Variants in GPR55 observed in about 807,000 individuals in gnomAD.
The protein encoded by GPR55 is G-protein coupled receptor 55.
In GPR55, 6 loss-of-function variants were observed where a neutral mutation model predicts 7.9. That is an observed-to-expected ratio of 0.76 (90% CI 0.41 to 1.49). The LOEUF is 1.49. Among genes scored for constraint, GPR55 ranks in the 40% most tolerant of loss-of-function variants. GPR55 has a pLI of 0.01. For missense variants in GPR55, 376 were observed against 406.0 expected, an observed-to-expected ratio of 0.93 and a Z score of 0.63; for synonymous variants, 183 against 166.8, an observed-to-expected ratio of 1.10 and a Z score of -0.75.
intron 1 of GPR55, among the ~76,000 whole-genome samples, chr2:230,946,391 A>G (rs947804739): frequency 1.3e-5 from 2 of 152,248 alleles, no homozygotes; most frequent in African/African-American, 4.8e-5. Context: ...CACAAAAAAG[A>G]TAACTGTGTG....
chr2:230,951,695 T>C (rs929848078), intron 1 of GPR55, among the ~76,000 whole-genome samples: 11 of 152,080 alleles, frequency 7.2e-5, no homozygotes, highest in African/African-American at 2.4e-4. Flanking sequence ...TAAGCAGGGA[T>C]TTTTTTCCCT....
At chr2:230,913,055 G>A (rs6715560) in intron 1 of GPR55, among the ~76,000 whole-genome samples, 41,091 of 151,952 alleles carry the variant, frequency 0.27, 10,316 homozygotes, top group African/African-American at 0.67. Context: ...TTGCTTTTTC[G>A]CTCATCAATG....
At chr2:230,950,370 A>G (rs539017495) in intron 1 of GPR55, among the ~76,000 whole-genome samples, 32 of 152,270 alleles carry the variant, frequency 2.1e-4, no homozygotes, top group African/African-American at 7.5e-4. Flanking sequence ...GAGCAATTAG[A>G]GCAATTGGCT....
In GPR55 at chr2:230,941,160, G is replaced by T. The variant is rs1691221702; in HGVS notation, c.-135+19615C>A. 2.0e-5 allele frequency among the ~76,000 whole-genome samples: 3 copies of T among 151,940 alleles called. No homozygotes were observed. The South Asian group carries it at 6.2e-4, about 32-fold the overall frequency. On this transcript the variant is annotated intron_variant, in intron 1 of 1. Coordinates refer to the GPR55 transcript ENST00000392039. ...GAAGGGGTTGGAGGGCCTGATGCCT[G>T]GGTGCCTCCAGGCTCAGAGAGAACC...
At chr2:230,951,755 GGT>G (rs369482532) in intron 1 of GPR55, among the ~76,000 whole-genome samples, 60,655 of 148,108 alleles carry the variant, frequency 0.41, 13,210 homozygotes, top group East Asian at 0.65. Flanking sequence ...TTGTTATTGG[GGT>G]TTTTTTTTTT....
At chr2:230,915,308 T>C (rs1690684352) in intron 1 of GPR55, among the ~76,000 whole-genome samples, 1 of 152,186 alleles carries the variant, frequency 6.6e-6, no homozygotes, top group Non-Finnish European at 1.5e-5. Context: ...GGGATCTGTG[T>C]CACAGGCAGC....
intron 1 of GPR55, among the ~76,000 whole-genome samples, chr2:230,946,249 G>T (rs1691312322): frequency 6.6e-6 from 1 of 152,170 alleles, no homozygotes; most frequent in South Asian, 2.1e-4. Context: ...TTGGTCAAAG[G>T]TGTTTCAGTT....
intron 1 of GPR55, among the ~76,000 whole-genome samples, chr2:230,950,476 A>C (rs992152457): frequency 6.6e-6 from 1 of 151,568 alleles, no homozygotes; most frequent in Non-Finnish European, 1.5e-5. Context: ...TCTTTCCCGC[A>C]CTCCAGCCTC....
intron 1 of GPR55, among the ~76,000 whole-genome samples, chr2:230,952,695 A>G (rs1204891216): frequency 6.6e-6 from 1 of 152,202 alleles, no homozygotes; most frequent in Non-Finnish European, 1.5e-5. Flanking sequence ...ACAAGCTTCC[A>G]TCGGGCATCT....
chr2:230,919,534 T>C (rs961332065), intron 1 of GPR55, among the ~76,000 whole-genome samples: 2 of 152,186 alleles, frequency 1.3e-5, no homozygotes, highest in African/African-American at 4.8e-5. Context: ...TAACAAAGAA[T>C]TTGGCAAGGG....
At chr2:230,914,191 G>A (rs942747586) in intron 1 of GPR55, among the ~76,000 whole-genome samples, 2 of 152,202 alleles carry the variant, frequency 1.3e-5, no homozygotes, top group Admixed American at 6.5e-5. Context: ...GAATAACAAC[G>A]GGAGGAAAGT....
At chr2:230,914,924 G>A (rs150905212) in intron 1 of GPR55, among the ~76,000 whole-genome samples, 1 of 152,344 alleles carries the variant, frequency 6.6e-6, no homozygotes, top group East Asian at 1.9e-4. Flanking sequence ...TGAGCCTTCA[G>A]ACCACCTGCA....
At chr2:230,953,270 A>G (rs1252299486) in intron 1 of GPR55, among the ~76,000 whole-genome samples, 1 of 152,232 alleles carries the variant, frequency 6.6e-6, no homozygotes, top group African/African-American at 2.4e-5. Flanking sequence ...GTTAAATTAC[A>G]TGGCAAATTA....
At chr2:230,956,342 T>G (rs546984819) in intron 1 of GPR55, among the ~76,000 whole-genome samples, 2 of 152,060 alleles carry the variant, frequency 1.3e-5, no homozygotes, top group Non-Finnish European at 2.9e-5. Flanking sequence ...TTTTTTGTAT[T>G]TTTAGTAGAG....
chr2:230,935,551 A>C (rs1691120032), intron 1 of GPR55, among the ~76,000 whole-genome samples: 2 of 152,130 alleles, frequency 1.3e-5, no homozygotes, highest in African/African-American at 4.8e-5. Context: ...AACTGTGCGC[A>C]CCCATCCAGA....
At position 230,925,194 on chromosome 2, in the gene GPR55, G is replaced by C. The variant is rs1690922262; in HGVS notation, c.-161C>G. 1.3e-5 allele frequency: 2 copies of C among 152,736 alleles called. No homozygotes were observed. The highest frequency in any genetic ancestry group is 2.4e-5 in the African/African-American group (1 of 41,456). The allele number at this position is 152,736 out of a possible 1,614,324, so 9.5% of individuals were successfully genotyped here. A position where few individuals can be genotyped will look rare whatever the true frequency, so the allele number is the denominator to read the frequency against. ...TGTTGGTGGTCCGGTGCAGCTGAGA[G>C]GGCTGAGAGATGTCATTTCTCCTCC... On this transcript the variant is annotated 5_prime_UTR_variant, in exon 1 of 2. Transcript: ENST00000650999.
At chr2:230,934,294 T>A (rs1261412869) in intron 1 of GPR55, among the ~76,000 whole-genome samples, 1 of 152,176 alleles carries the variant, frequency 6.6e-6, no homozygotes, top group Non-Finnish European at 1.5e-5. Flanking sequence ...TCTGCACCTC[T>A]CTCACCAAAA....
chr2:230,950,039 C>T (rs1691376208), intron 1 of GPR55, among the ~76,000 whole-genome samples: 1 of 152,182 alleles, frequency 6.6e-6, no homozygotes, highest in African/African-American at 2.4e-5. Flanking sequence ...TTTCACCATG[C>T]TGGCCAGGCT....
At chr2:230,934,562 C>G (rs1235660105) in intron 1 of GPR55, among the ~76,000 whole-genome samples, 2 of 152,200 alleles carry the variant, frequency 1.3e-5, no homozygotes, top group Admixed American at 1.3e-4. Context: ...TAGCAAAATG[C>G]TTAGAGCCCG....
Sources: gnomAD v4.1 joint callset for allele counts (sites outside exome capture counted in the v4.1 genomes callset) on GRCh38, gnomAD v4.1.1 for gene constraint, MANE v1.5 for transcripts, NCBI Gene and HGNC (gene_info 2026-07-23, HGNC 2026-07-21) for gene names.